The following MBD4 variants were observed in gnomAD, a reference collection of about 807,000 sequenced individuals.
The protein encoded by MBD4 is methyl-CpG-binding domain protein 4.
In MBD4, 53 loss-of-function variants were observed where a neutral mutation model predicts 60.2. That is an observed-to-expected ratio of 0.88 (90% confidence interval 0.71 to 1.11). The LOEUF (loss-of-function observed/expected upper bound fraction) is 1.11, where lower values mean the gene tolerates loss of function less well. Ranked by LOEUF, MBD4 falls within the 50% of genes least tolerant of loss-of-function variation. The pLI is 0.00. For synonymous variants in MBD4, 231 were observed against 229.8 expected, an observed-to-expected ratio of 1.01 and a Z score of -0.05; for missense variants, 619 against 674.0, an observed-to-expected ratio of 0.92 and a Z score of 0.90.
chr3:129,438,817 C>A (rs1486693861), intron 1 of MBD4, among the ~76,000 whole-genome samples: 1 of 151,682 alleles, frequency 6.6e-6, no homozygotes, highest in Non-Finnish European at 1.5e-5. Flanking sequence ...ACCTGTGGTC[C>A]CAGCTACTAA....
intron 1 of MBD4, 33 bp downstream of exon 1, chr3:129,439,697 G>A (rs1288244379): frequency 7.6e-7 from 1 of 1,310,318 alleles, no homozygotes; most frequent in African/African-American, 1.4e-5. Context: ...TACAGGTGGT[G>A]AAACTGAGGC....
Position 129,436,963 on chromosome 3 carries a change from C to T in MBD4, c.681G>A (p.Lys227=), listed in dbSNP as rs1191251950. ...DEGVDDVNFR[K]VRKPKGKVTI... is the part of the protein sequence containing the mutation. ...TCACCTTTCCTTTGGGCTTTCTAAC[C>T]TTTCTGAAGTTAACATCATCAACAC... Residue 227 remains lysine, a synonymous_variant, in exon 3 of 8, where the codon AAG becomes AAA. Transcript: ENST00000429544. 1.9e-6 allele frequency: 3 copies of T among 1,614,158 alleles called. No individual in the cohort carries two copies. The highest frequency in any genetic ancestry group is 2.5e-6 in the Non-Finnish European group (3 of 1,180,034).
rs758035705 is a variant in MBD4 at position 129,433,124 on chromosome 3, C to T, written c.1517G>A (p.Arg506Gln). The T allele has an allele frequency of 1.2e-5, 20 of 1,613,982 alleles. No individual in the cohort carries two copies. The highest frequency in any genetic ancestry group is 1.6e-4 in the Middle Eastern group (1 of 6,084). ...TGAGAACTTGACAATGGTTTTTGCCCGAAGATCGTAGAGACCAAGAGGTTT... is the reference window on the plus strand; with the variant it reads ...TGAGAACTTGACAATGGTTTTTGCCTGAAGATCGTAGAGACCAAGAGGTTT... ...LLKPLGLYDL[R>Q]AKTIVKFSDE... Residue 506 changes from arginine (R) to glutamine (Q), a missense_variant, in exon 6 of 8, where the codon CGG becomes CAG. Transcript: ENST00000429544.
Position 129,439,901 on chromosome 3 carries a change from G to T in MBD4, c.-68C>A. The T allele has an allele frequency of 8.9e-7, 1 of 1,119,572 alleles. No individual in the cohort carries two copies. Among genetic ancestry groups the T allele is most frequent in the Non-Finnish European group, 1.3e-6 (1 of 741,866 alleles). 69.4% of individuals were successfully genotyped at this position (1,119,572 alleles called of 1,614,324 possible). A position where few individuals can be genotyped will look rare whatever the true frequency, so the allele number is the denominator to read the frequency against. ...CCCAGGGTGTGGGGCGGAGTAAGAT[G>T]TGAAACCTCTTCAGCTCACGGCACC... On this transcript the variant is annotated 5_prime_UTR_variant, in exon 1 of 8. Coordinates refer to ENST00000429544, the MANE Select transcript of MBD4 (RefSeq NM_001276270.2).
chr3:129,435,679 C>T (rs142400021), intron 3 of MBD4, among the ~76,000 whole-genome samples: 172 of 152,206 alleles, frequency 1.1e-3, no homozygotes, highest in African/African-American at 3.9e-3. Flanking sequence ...CAGGCTGTTT[C>T]CCCACAGGAG....
At chr3:129,435,169 TAA>T (rs1047217221) in intron 3 of MBD4, among the ~76,000 whole-genome samples, 4 of 152,014 alleles carry the variant, frequency 2.6e-5, no homozygotes, top group African/African-American at 9.7e-5. Flanking sequence ...GGTCTCCAGA[TAA>T]TTAGACTACT....
chr3:129,437,268 T>TA lies in MBD4; in HGVS notation c.375dup (p.Asn126Ter). On this transcript the variant is annotated frameshift_variant, in exon 3 of 8. Transcript: ENST00000429544. LOFTEE classifies it high-confidence loss of function. Reference sequence around the variant, plus strand: ...GTCTCTCCATTTTTGTGAAGATAATTAGCAAGTGAACTTTTGGATCTGAAC... The same window carrying TA: ...GTCTCTCCATTTTTGTGAAGATAATTAAGCAAGTGAACTTTTGGATCTGAAC... The TA allele has an allele frequency of 6.2e-7, 1 of 1,610,438 alleles. No individual in the cohort carries two copies. The highest frequency in any genetic ancestry group is 8.5e-7 in the Non-Finnish European group (1 of 1,179,668).
intron 3 of MBD4, 122 bp downstream of exon 3, chr3:129,436,339 G>A (rs1348838758): frequency 8.4e-7 from 1 of 1,194,398 alleles, no homozygotes; most frequent in Admixed American, 2.1e-5. Context: ...CCTATTTCTT[G>A]GCTCTATTTT....
At chr3:129,439,556 G>A (rs1183839166) in intron 1 of MBD4, among the ~76,000 whole-genome samples, 174 bp downstream of exon 1, 1 of 152,116 alleles carries the variant, frequency 6.6e-6, no homozygotes, top group Non-Finnish European at 1.5e-5. Context: ...GCGCACCCCA[G>A]GGCTGATCGC....
intron 7 of MBD4, 103 bp downstream of exon 7, chr3:129,432,400 C>T: frequency 1.2e-6 from 2 of 1,603,460 alleles, no homozygotes; most frequent in Non-Finnish European, 1.7e-6. Flanking sequence ...TTGTTTGTGA[C>T]TGTAATAGCA....
rs748135436 is a variant in MBD4, at chr3:129,434,042, T to C, written c.1258+20A>G. The C allele has an allele frequency of 6.2e-7, 1 of 1,614,140 alleles. No individual in the cohort carries two copies. The highest frequency in any genetic ancestry group is 1.1e-5 in the South Asian group (1 of 91,086). On this transcript the variant is annotated intron_variant, in intron 4 of 7. Coordinates refer to ENST00000429544, the MANE Select transcript of MBD4 (RefSeq NM_001276270.2). ...CCAAAATGGAATTAGAATTTGCTGT[T>C]CTGATTGGGAAAGGGATACCTTCTT...
intron 1 of MBD4, among the ~76,000 whole-genome samples, chr3:129,439,510 C>G (rs952400051): frequency 2.6e-5 from 4 of 152,302 alleles, no homozygotes; most frequent in African/African-American, 4.8e-5. Flanking sequence ...CCGGCTCCCC[C>G]CCAGTCTCCC....
rs3138358 is a variant in MBD4 at position 129,433,284 on chromosome 3, C to T, written c.1394-37G>A. ...AAGTAACTGAATGATTACAAGACTC[C>T]AGGTGGGCTGATTTCATGTTCAAGT... is the stretch of plus-strand genomic sequence containing the variant. On this transcript the variant is annotated intron_variant, in intron 5 of 7. Transcript: ENST00000429544. The T allele has an allele frequency of 1.0e-3, 1,618 of 1,610,634 alleles. 11 individuals are homozygous for T. The African/African-American group carries it at 0.016, about 16-fold the overall frequency.
In MBD4 at chr3:129,437,064, T is replaced by C; in HGVS notation, c.580A>G (p.Ser194Gly). The C allele has an allele frequency of 6.2e-7, 1 of 1,614,210 alleles. No individual in the cohort carries two copies. The highest frequency in any genetic ancestry group is 8.5e-7 in the Non-Finnish European group (1 of 1,180,024). Residue 194 changes from serine (S) to glycine (G), a missense_variant, in exon 3 of 8, where the codon AGT (serine) becomes GGT (glycine). Ser to Gly is a moderately conservative substitution (Grantham distance 56). Transcript: ENST00000429544. ...CTGCTCTCCTGCAACTCTGAACTACTACTTGGCGGCATAAACACATCCTTT... is the reference window on the plus strand; with the variant it reads ...CTGCTCTCCTGCAACTCTGAACTACCACTTGGCGGCATAAACACATCCTTT... ...CKKDVFMPPS[S>G]SSELQESRGL...
Position 129,436,527 on chromosome 3 carries a change from T to C in MBD4, c.1117A>G (p.Thr373Ala). The change falls in exon 3 of 8, where the codon ACT becomes GCT. Residue 373 changes from threonine to alanine, a missense_variant. Transcript: ENST00000429544. ...EVVERKEHLH[T>A]DILKRGSEMD... ...TCAGAGCCACGTTTTAAAATGTCAG[T>C]ATGCAAATGTTCTTTCCTTTCCACA... 1.2e-6 allele frequency: 2 copies of C among 1,614,150 alleles called. No individual in the cohort carries two copies. The highest frequency in any genetic ancestry group is 1.7e-6 in the Non-Finnish European group (2 of 1,179,986).
intron 7 of MBD4, chr3:129,432,178 G>T: frequency 7.3e-7 from 1 of 1,371,464 alleles, no homozygotes; most frequent in Non-Finnish European, 9.4e-7. Context: ...CTGCTTTCCT[G>T]TAGTGGTGTA....
rs1399589036 is a variant in MBD4 at position 129,437,272 on chromosome 3, A to C, written c.372T>G (p.Leu124=). Residue 124 remains leucine, a synonymous_variant, in exon 3 of 8, where the codon CTT becomes CTG. Transcript: ENST00000429544. Reference sequence around the variant, plus strand: ...CTCCATTTTTGTGAAGATAATTAGCAAGTGAACTTTTGGATCTGAACTTCA... The same window carrying C: ...CTCCATTTTTGTGAAGATAATTAGCCAGTGAACTTTTGGATCTGAACTTCA... ...QGLKFRSKSS[L]ANYLHKNGET... The C allele has an allele frequency of 6.2e-7, 1 of 1,610,070 alleles. No individual in the cohort carries two copies. Among genetic ancestry groups the C allele is most frequent in the Non-Finnish European group, 8.5e-7 (1 of 1,179,754 alleles).
In MBD4 at chr3:129,437,767, T is replaced by C; in HGVS notation, c.288A>G (p.Gln96=). The part of the protein sequence containing the change: ...VPCGWERVVK[Q]RLFGKTAGRF... ...TTCCTGCTGTCTTCCCAAATAACCT[T>C]TGCTTCACAACTCTTTCCCATCCAC... The change falls in exon 2 of 8, where the codon CAA becomes CAG. Residue 96 remains glutamine (Q), a synonymous_variant. Coordinates refer to ENST00000429544, the MANE Select transcript of MBD4 (RefSeq NM_001276270.2). 6.2e-7 allele frequency: 1 copy of C among 1,614,116 alleles called. No homozygotes were observed. Among genetic ancestry groups the C allele is most frequent in the South Asian group, 1.1e-5 (1 of 91,076 alleles).
rs1168556332 is a variant in MBD4 at position 129,432,687 on chromosome 3, A to C, written c.1544-81T>G. The C allele has an allele frequency of 2.3e-6, 3 of 1,280,490 alleles. No homozygotes were observed. The Admixed American group carries it at 5.0e-5, about 22-fold the overall frequency. The allele number at this position is 1,280,490 out of a possible 1,614,324, so 79.3% of individuals were successfully genotyped here. ...AATGTGTGGTGATGGGGCAGGATGGAGAGAACAGCAGAAAGGGACAGGAAA... is the reference window on the plus strand; with the variant it reads ...AATGTGTGGTGATGGGGCAGGATGGCGAGAACAGCAGAAAGGGACAGGAAA... On this transcript the variant is annotated intron_variant, in intron 6 of 7. Transcript: ENST00000429544.
Sources: gnomAD v4.1 joint callset for allele counts (sites outside exome capture counted in the v4.1 genomes callset) on GRCh38, gnomAD v4.1.1 for gene constraint, MANE v1.5 for transcripts, NCBI Gene and HGNC (gene_info 2026-07-23, HGNC 2026-07-21) for gene names.